The following ADARB2 variants were observed in gnomAD, a reference collection of about 807,000 sequenced individuals.
ADARB2 encodes adenosine deaminase RNA specific B2 (inactive).
In ADARB2, 25 loss-of-function variants were observed where a neutral mutation model predicts 62.2. That is an observed-to-expected ratio of 0.40 (90% CI 0.29 to 0.56). The LOEUF (loss-of-function observed/expected upper bound fraction) is 0.56, where lower values mean the gene tolerates loss of function less well. ADARB2 is among the 20% of genes least tolerant of loss of function. ADARB2 has a pLI of 0.43. For missense variants in ADARB2, 1,071 were observed against 1,077.4 expected (o/e 0.99, Z 0.08); for synonymous variants, 572 against 500.8 (o/e 1.14, Z -1.90).
intron 4 of ADARB2, among the ~76,000 whole-genome samples, chr10:1,250,937 C>A (rs191154060): frequency 1.1e-4 from 17 of 152,134 alleles, no homozygotes; most frequent in African/African-American, 4.1e-4. Flanking sequence ...TGACCCAACA[C>A]GTGCAGGAAT....
intron 1 of ADARB2, among the ~76,000 whole-genome samples, chr10:1,653,932 C>T (rs943330867): frequency 2.0e-5 from 3 of 152,168 alleles, no homozygotes; most frequent in African/African-American, 7.2e-5. Context: ...AGGAGGGAGG[C>T]TCCGTGTGGC....
At chr10:1,308,556 A>G (rs1007766506) in intron 3 of ADARB2, among the ~76,000 whole-genome samples, 1 of 152,202 alleles carries the variant, frequency 6.6e-6, no homozygotes, top group Non-Finnish European at 1.5e-5. Flanking sequence ...GAGTATGTTT[A>G]GTTTCATAAG....
intron 1 of ADARB2, among the ~76,000 whole-genome samples, chr10:1,713,212 C>T (rs1339401978): frequency 1.3e-5 from 2 of 152,064 alleles, no homozygotes; most frequent in Admixed American, 6.6e-5. Flanking sequence ...TGATGGGAGG[C>T]GAAGGCAGAA....
chr10:1,555,015 T>C (rs963492467), intron 1 of ADARB2, among the ~76,000 whole-genome samples: 1 of 152,212 alleles, frequency 6.6e-6, no homozygotes, highest in African/African-American at 2.4e-5. Context: ...CTTAGGATAA[T>C]GGCCTCTAGA....
chr10:1,713,534 G>A (rs529258620), intron 1 of ADARB2, among the ~76,000 whole-genome samples: 2 of 152,160 alleles, frequency 1.3e-5, no homozygotes, highest in South Asian at 2.1e-4. Flanking sequence ...GGACGGTGCT[G>A]CAAGACTTTC....
At chr10:1,439,486 C>A (rs1330963952) in intron 1 of ADARB2, among the ~76,000 whole-genome samples, 1 of 139,232 alleles carries the variant, frequency 7.2e-6, no homozygotes, top group Non-Finnish European at 1.6e-5. Context: ...CACTACGGGG[C>A]TTCTGAGTCT....
intron 1 of ADARB2, among the ~76,000 whole-genome samples, chr10:1,728,908 T>C (rs1249697195): frequency 6.6e-6 from 1 of 152,240 alleles, no homozygotes; most frequent in Non-Finnish European, 1.5e-5. Flanking sequence ...TCTACATTCC[T>C]CATGCTACTG....
chr10:1,206,038 G>A (rs1235792290), intron 7 of ADARB2, among the ~76,000 whole-genome samples: 1 of 152,020 alleles, frequency 6.6e-6, no homozygotes, highest in Non-Finnish European at 1.5e-5. Flanking sequence ...CTCAGGTGGG[G>A]TGGGTGGGAT....
intron 3 of ADARB2, among the ~76,000 whole-genome samples, chr10:1,331,089 C>G (rs189280959): frequency 3.1e-4 from 47 of 152,090 alleles, no homozygotes; most frequent in Admixed American, 2.8e-3. Context: ...CATTTCACAC[C>G]CACTAGGATG....
intron 1 of ADARB2, among the ~76,000 whole-genome samples, chr10:1,481,115 C>T (rs908778146): frequency 6.6e-6 from 1 of 152,190 alleles, no homozygotes; most frequent in Non-Finnish European, 1.5e-5. Context: ...TAGCATACCA[C>T]ACACAGACCA....
intron 1 of ADARB2, among the ~76,000 whole-genome samples, chr10:1,580,959 G>C (rs1402892215): frequency 6.6e-6 from 1 of 152,226 alleles, no homozygotes; most frequent in Admixed American, 6.5e-5. Context: ...ATGAAGCCCA[G>C]TGCTTATTCC....
At chr10:1,519,515 G>T (rs535547182) in intron 1 of ADARB2, among the ~76,000 whole-genome samples, 1 of 152,276 alleles carries the variant, frequency 6.6e-6, no homozygotes, top group African/African-American at 2.4e-5. Flanking sequence ...TGTCTGAGGA[G>T]CTCCCTGAAG....
chr10:1,196,274 T>A lies in ADARB2; in HGVS notation c.1864+3692A>T, dbSNP rs150184194. Among the ~76,000 whole-genome samples, 227 of 144,244 alleles carry A rather than the reference T, an allele frequency of 1.6e-3. 1 individual carries two copies. The highest frequency in any genetic ancestry group is 5.4e-3 in the African/African-American group (214 of 39,394). 94.6% of individuals were successfully genotyped at this position (144,244 alleles called of 152,430 possible). On this transcript the variant is annotated intron_variant, in intron 8 of 9. Coordinates refer to ENST00000381312, the MANE Select transcript of ADARB2 (RefSeq NM_018702.4). ...GTCCGTCTCCCCTACTGGAATGCAA[T>A]CACCCTGAGGTATGGATTTTTGACT...
intron 1 of ADARB2, among the ~76,000 whole-genome samples, chr10:1,633,578 ATC>A (rs1491062165): frequency 4.1e-5 from 6 of 146,618 alleles, no homozygotes; most frequent in Admixed American, 1.3e-4. Flanking sequence ...CTATCTATCT[ATC>A]TATCTATCTA....
At chr10:1,308,308 T>C (rs879119055) in intron 3 of ADARB2, among the ~76,000 whole-genome samples, 1 of 152,196 alleles carries the variant, frequency 6.6e-6, no homozygotes, top group Admixed American at 6.5e-5. Context: ...CTCAGCAATA[T>C]GCATTTATGT....
chr10:1,307,338 A>G (rs1831639080), intron 3 of ADARB2, among the ~76,000 whole-genome samples: 1 of 133,828 alleles, frequency 7.5e-6, no homozygotes, highest in African/African-American at 2.6e-5. Flanking sequence ...AATGCTCACC[A>G]TCACTGGCTA....
intron 9 of ADARB2, among the ~76,000 whole-genome samples, chr10:1,183,647 TGGGGACAGAG>T (rs1354935361): frequency 6.6e-6 from 1 of 152,144 alleles, no homozygotes; most frequent in African/African-American, 2.4e-5. Flanking sequence ...CAGGCAGGGT[TGGGGACAGAG>T]GGGGACAGTG....
chr10:1,724,340 G>C (rs1209856453), intron 1 of ADARB2, among the ~76,000 whole-genome samples: 1 of 152,188 alleles, frequency 6.6e-6, no homozygotes, highest in African/African-American at 2.4e-5. Flanking sequence ...GCTGTTATCT[G>C]TGTCCTGGTG....
At chr10:1,400,213 G>A (rs573589553) in intron 1 of ADARB2, among the ~76,000 whole-genome samples, 17 of 152,352 alleles carry the variant, frequency 1.1e-4, no homozygotes, top group African/African-American at 3.8e-4. Context: ...TCTCCTGCGT[G>A]GGTCGGCAGA....
Sources: allele counts gnomAD v4.1 joint callset (sites outside exome capture counted in the v4.1 genomes callset), GRCh38; gene constraint gnomAD v4.1.1; transcripts MANE v1.5; gene names NCBI Gene and HGNC (gene_info 2026-07-23, HGNC 2026-07-21).